ST3GAL5: variants seen among roughly 807,000 people sequenced by gnomAD.
The protein encoded by ST3GAL5 is lactosylceramide alpha-2,3-sialyltransferase.
A neutral mutation model predicts 46.1 loss-of-function variants in ST3GAL5; 25 were observed. That is an observed-to-expected ratio of 0.54 (90% confidence interval 0.40 to 0.76). ST3GAL5 has a LOEUF of 0.76. Ranked by LOEUF, ST3GAL5 falls within the 30% of genes least tolerant of loss-of-function variation. The pLI is 0.00. For synonymous variants in ST3GAL5, 182 were observed against 192.7 expected (o/e 0.94, Z 0.46); for missense variants, 431 against 521.2 (o/e 0.83, Z 1.69).
At chr2:85,869,587 T>C (rs1297482214) in intron 1 of ST3GAL5, among the ~76,000 whole-genome samples, 1 of 152,120 alleles carries the variant, frequency 6.6e-6, no homozygotes, top group Non-Finnish European at 1.5e-5. Flanking sequence ...TCCCCAAAAT[T>C]AAGCATTTAG....
intron 2 of ST3GAL5, among the ~76,000 whole-genome samples, chr2:85,862,240 A>T (rs1306775429): frequency 1.3e-5 from 2 of 152,020 alleles, no homozygotes; most frequent in South Asian, 2.1e-4. Context: ...GATGCTATCA[A>T]TTTGTGTAAA....
upstream of ST3GAL5, chr2:85,889,005 C>G (rs1352111812): frequency 2.1e-6 from 2 of 940,928 alleles, no homozygotes; most frequent in African/African-American, 3.5e-5. Flanking sequence ...GCCGCCGCTC[C>G]CCCGCTCAGA....
chr2:85,883,383 C>G (rs1334888060), intron 1 of ST3GAL5, among the ~76,000 whole-genome samples: 1 of 152,210 alleles, frequency 6.6e-6, no homozygotes, highest in Admixed American at 6.5e-5. Context: ...TGCCCTCCAC[C>G]ATGATTGTGA....
At chr2:85,882,891 G>A (rs1292528518) in intron 1 of ST3GAL5, among the ~76,000 whole-genome samples, 1 of 151,368 alleles carries the variant, frequency 6.6e-6, no homozygotes, top group Non-Finnish European at 1.5e-5. Flanking sequence ...GGTGCCTGTA[G>A]CCCCTTTGTT....
chr2:85,877,027 T>C (rs1169529353), intron 1 of ST3GAL5, among the ~76,000 whole-genome samples: 2 of 152,220 alleles, frequency 1.3e-5, no homozygotes, highest in Non-Finnish European at 2.9e-5. Flanking sequence ...GTTGTTACCA[T>C]TTTACCACAT....
intron 2 of ST3GAL5, among the ~76,000 whole-genome samples, chr2:85,862,494 T>C (rs1293366948): frequency 7.2e-6 from 1 of 138,508 alleles, no homozygotes; most frequent in African/African-American, 2.5e-5. Flanking sequence ...TCCCTTATTT[T>C]GATTTAAAAA....
chr2:85,862,230 G>T (rs887532827), intron 2 of ST3GAL5, among the ~76,000 whole-genome samples: 3 of 151,780 alleles, frequency 2.0e-5, no homozygotes, highest in African/African-American at 7.3e-5. Flanking sequence ...AAGTGAACAG[G>T]ATGCTATCAA....
At chr2:85,856,666 C>T (rs569521415) in intron 3 of ST3GAL5, among the ~76,000 whole-genome samples, 19 of 151,678 alleles carry the variant, frequency 1.3e-4, no homozygotes, top group Admixed American at 3.9e-4. Context: ...AACTCCTGGG[C>T]GCAAGTGATC....
rs1391984498 is a variant in ST3GAL5 at position 85,840,182 on chromosome 2, C to A, written c.1219G>T (p.Val407Leu). The change falls in exon 7 of 7, where the codon GTG becomes TTG. Residue 407 changes from valine (V) to leucine (L), a missense_variant. Physicochemically the swap from Val to Leu is conservative, Grantham distance 32. Transcript: ENST00000638572. ...TCAATGCCTCCACTGAGATCTTTCA[C>A]CACTCCCTCTTTGACCAGCTTTAAG... ...FLLKLVKEGV[V>L]KDLSGGIDRE... 9 of 1,614,078 alleles carry A rather than the reference C, an allele frequency of 5.6e-6. No homozygotes were observed. Among genetic ancestry groups the A allele is most frequent in the Non-Finnish European group, 7.6e-6 (9 of 1,180,052 alleles).
intron 3 of ST3GAL5, chr2:85,856,446 T>C (rs1220472736): frequency 6.6e-6 from 1 of 152,210 alleles, no homozygotes; most frequent in Non-Finnish European, 1.5e-5. Flanking sequence ...AGGGAGTGAC[T>C]ATGAATGGAT....
At chr2:85,882,791 C>G (rs747679414) in intron 1 of ST3GAL5, among the ~76,000 whole-genome samples, 1 of 148,146 alleles carries the variant, frequency 6.8e-6, no homozygotes, top group Admixed American at 6.8e-5. Flanking sequence ...TGAGATCGCA[C>G]GCCATTGCAC....
At chr2:85,841,942 A>G (rs1361391713) in intron 6 of ST3GAL5, among the ~76,000 whole-genome samples, 2 of 152,276 alleles carry the variant, frequency 1.3e-5, no homozygotes, top group East Asian at 3.9e-4. Context: ...TCTTACTATT[A>G]GCATCCTTTT....
At chr2:85,880,876 T>A in intron 1 of ST3GAL5, 1 of 515,664 alleles carries the variant, frequency 1.9e-6, no homozygotes, top group Non-Finnish European at 3.9e-6. Context: ...GACAAGTAGG[T>A]CTATTTTAAC....
At chr2:85,840,660 T>C in intron 6 of ST3GAL5, 1 of 486,308 alleles carries the variant, frequency 2.1e-6, no homozygotes, top group South Asian at 2.1e-5. Context: ...GTATTCCCCT[T>C]CTAGGCCAGG....
rs550737011 is a variant in ST3GAL5, at chr2:85,840,003, AT to A, written c.*140del. ...GAAAAAAAAAGTGGGAAGAGCTAAA[AT>A]TTTTTTTGTGTTTTTAAATTAAAAG... On this transcript the variant is annotated 3_prime_UTR_variant, in exon 7 of 7. Transcript: ENST00000638572. The A allele has an allele frequency of 3.0e-3, 3,982 of 1,341,330 alleles. 7 individuals are homozygous for A. The highest frequency in any genetic ancestry group is 3.8e-3 in the Non-Finnish European group (3,735 of 984,254). The allele number at this position is 1,341,330 out of a possible 1,614,324, so 83.1% of individuals were successfully genotyped here. A position where few individuals can be genotyped will look rare whatever the true frequency, so the allele number is the denominator to read the frequency against.
At position 85,839,886 on chromosome 2, in the gene ST3GAL5, T is replaced by A. The variant is rs1477045470; in HGVS notation, c.*258A>T. The A allele has an allele frequency of 1.9e-6, 1 of 531,742 alleles. No homozygotes were observed. Among genetic ancestry groups the A allele is most frequent in the Non-Finnish European group, 3.4e-6 (1 of 296,684 alleles). 32.9% of individuals were successfully genotyped at this position (531,742 alleles called of 1,614,324 possible). Reference sequence around the variant, plus strand: ...TAAAAATCAATACAACATCGTTACATACAATTCTCTTTGAGAAGTCTTTCC... The same window carrying A: ...TAAAAATCAATACAACATCGTTACAAACAATTCTCTTTGAGAAGTCTTTCC... On this transcript the variant is annotated 3_prime_UTR_variant, in exon 7 of 7. Coordinates refer to ENST00000638572, the MANE Select transcript of ST3GAL5 (RefSeq NM_003896.4).
At chr2:85,856,936 A>G (rs1475564092) in intron 3 of ST3GAL5, among the ~76,000 whole-genome samples, 1 of 150,524 alleles carries the variant, frequency 6.6e-6, no homozygotes, top group Admixed American at 6.6e-5. Flanking sequence ...AAATGTTTTA[A>G]GGGCAGGGCA....
At chr2:85,872,584 CA>C (rs11298476) in intron 1 of ST3GAL5, among the ~76,000 whole-genome samples, 81,956 of 136,702 alleles carry the variant, frequency 0.6, 23,355 homozygotes, top group East Asian at 0.68. Flanking sequence ...AGCTCCATCT[CA>C]AAAAAAAAAA....
At chr2:85,863,927 C>T (rs1049630777) in intron 1 of ST3GAL5, among the ~76,000 whole-genome samples, 2 of 152,082 alleles carry the variant, frequency 1.3e-5, no homozygotes, top group African/African-American at 2.4e-5. Flanking sequence ...AGGCTGGTGT[C>T]GAACTCCTGA....
Sources: gnomAD v4.1 joint callset for allele counts (sites outside exome capture counted in the v4.1 genomes callset) on GRCh38, gnomAD v4.1.1 for gene constraint, MANE v1.5 for transcripts, NCBI Gene and HGNC (gene_info 2026-07-23, HGNC 2026-07-21) for gene names.